The following ROBO2 variants were observed in gnomAD, a reference collection of about 807,000 sequenced individuals.
The protein encoded by ROBO2 is roundabout homolog 2.
ROBO2 carries 53 observed loss-of-function variants against 160.8 expected under a neutral mutation model. The ratio of observed to expected loss-of-function variants is 0.33; its 90% CI spans 0.26 to 0.41. ROBO2 has a LOEUF of 0.41. ROBO2 is among the 10% of genes least tolerant of loss of function. The pLI is 1.00. For synonymous variants in ROBO2, 664 were observed against 611.7 expected, an observed-to-expected ratio of 1.09 and a Z score of -1.26; for missense variants, 1,577 against 1,722.4, an observed-to-expected ratio of 0.92 and a Z score of 1.49.
At chr3:76,094,687 T>C (rs1176773606) in intron 2 of ROBO2, among the ~76,000 whole-genome samples, 1 of 152,202 alleles carries the variant, frequency 6.6e-6, no homozygotes, top group East Asian at 1.9e-4. Flanking sequence ...GGAAGGAGAA[T>C]TCATTCTTCC....
chr3:75,951,323 T>C (rs1025963039), intron 2 of ROBO2, among the ~76,000 whole-genome samples: 1 of 152,098 alleles, frequency 6.6e-6, no homozygotes, highest in African/African-American at 2.4e-5. Flanking sequence ...TGTAAAGAAC[T>C]GGACAGTAAA....
intron 2 of ROBO2, among the ~76,000 whole-genome samples, chr3:76,486,078 T>G (rs896410240): frequency 1.3e-5 from 2 of 152,184 alleles, no homozygotes; most frequent in African/African-American, 4.8e-5. Context: ...ATTATAAGAT[T>G]GTAAAGTAAG....
chr3:77,197,590 T>C (rs2082421052), intron 2 of ROBO2, among the ~76,000 whole-genome samples: 1 of 152,254 alleles, frequency 6.6e-6, no homozygotes, highest in African/African-American at 2.4e-5. Context: ...CTGACCTTTA[T>C]GCTTCTGCCA....
At chr3:77,203,991 G>A (rs763681043) in intron 2 of ROBO2, among the ~76,000 whole-genome samples, 5 of 152,136 alleles carry the variant, frequency 3.3e-5, no homozygotes, top group African/African-American at 4.8e-5. Context: ...TCTCTTTTAG[G>A]ATAAAATACA....
chr3:76,999,909 A>G lies in ROBO2; in HGVS notation c.110-98105A>G, dbSNP rs569846339. Among the ~76,000 whole-genome samples the G allele has an allele frequency of 5.3e-5, 8 of 152,256 alleles. No homozygotes were observed. The East Asian group carries it at 1.2e-3, about 22-fold the overall frequency. On this transcript the variant is annotated intron_variant, in intron 2 of 26. Coordinates refer to the ROBO2 transcript ENST00000487694. ...AAAATTGGTAAAGTTGAAGATATGG[A>G]TAAATTTTCATTGCTTTTGTATCCT...
At chr3:76,173,871 A>G (rs1275921326) in intron 2 of ROBO2, among the ~76,000 whole-genome samples, 2 of 152,204 alleles carry the variant, frequency 1.3e-5, no homozygotes, top group South Asian at 4.1e-4. Flanking sequence ...TCCTTTGCGT[A>G]TATACCCAGT....
chr3:77,071,357 T>G (rs2067392156), intron 1 of ROBO2, among the ~76,000 whole-genome samples: 1 of 152,208 alleles, frequency 6.6e-6, no homozygotes, highest in African/African-American at 2.4e-5. Context: ...TAGCATTAAA[T>G]TAAAATGAAA....
chr3:76,019,420 G>A (rs2066503900), intron 2 of ROBO2, among the ~76,000 whole-genome samples: 1 of 150,870 alleles, frequency 6.6e-6, no homozygotes, highest in Admixed American at 6.6e-5. Flanking sequence ...TCTAATATTT[G>A]CATTATGGCC....
chr3:75,960,437 G>A (rs868563089), intron 2 of ROBO2, among the ~76,000 whole-genome samples: 2 of 151,876 alleles, frequency 1.3e-5, no homozygotes, highest in Middle Eastern at 3.4e-3. Context: ...GGCTGGATGT[G>A]CTGGAAGCTT....
chr3:77,563,748 C>A (rs918835141), intron 11 of ROBO2, among the ~76,000 whole-genome samples: 10 of 152,034 alleles, frequency 6.6e-5, no homozygotes, highest in Non-Finnish European at 1.2e-4. Flanking sequence ...TAGAGCAGAA[C>A]TTAAAATAAT....
chr3:76,396,686 AAC>A lies in ROBO2; in HGVS notation c.109+459086_109+459087del, dbSNP rs1454659030. On this transcript the variant is annotated intron_variant, in intron 2 of 26. Transcript: ENST00000487694. Reference sequence around the variant, plus strand: ...CATTCTTATGCACCAATAACAGACAAACAGAGAGCCAAATCAAGAGTGAACTC... The same window carrying A: ...CATTCTTATGCACCAATAACAGACAAAGAGAGCCAAATCAAGAGTGAACTC... Among the ~76,000 whole-genome samples the A allele has an allele frequency of 8.5e-5, 13 of 152,294 alleles. No homozygotes were observed. The South Asian group carries it at 1.5e-3, about 17-fold the overall frequency.
intron 2 of ROBO2, among the ~76,000 whole-genome samples, chr3:76,991,821 G>A (rs1231513852): frequency 2.0e-5 from 3 of 152,116 alleles, no homozygotes; most frequent in South Asian, 2.1e-4. Flanking sequence ...GTGTGGCAGA[G>A]TTCAAAAACC....
At chr3:77,584,773 TG>T (rs2094000600) in intron 16 of ROBO2, among the ~76,000 whole-genome samples, 1 of 151,824 alleles carries the variant, frequency 6.6e-6, no homozygotes, top group Non-Finnish European at 1.5e-5. Flanking sequence ...TAAAATAAAT[TG>T]GAATAAGAAA....
chr3:76,379,359 A>T lies in ROBO2; in HGVS notation c.109+441757A>T, dbSNP rs374957357. On this transcript the variant is annotated intron_variant, in intron 2 of 26. Transcript: ENST00000487694. ...TTTATTTTTTCAATAAAAAATATTT[A>T]AAAATATTTTTAACATAAAAAATAG... is the stretch of plus-strand genomic sequence containing the variant. 7.9e-5 allele frequency among the ~76,000 whole-genome samples: 12 copies of T among 152,274 alleles called. 1 individual carries two copies. The highest frequency in any genetic ancestry group is 2.4e-4 in the African/African-American group (10 of 41,570).
At chr3:77,332,407 G>A (rs762913052) in intron 2 of ROBO2, among the ~76,000 whole-genome samples, 1 of 152,110 alleles carries the variant, frequency 6.6e-6, no homozygotes, top group Non-Finnish European at 1.5e-5. Flanking sequence ...ACATTTTACA[G>A]AGGTAGTATT....
intron 23 of ROBO2, among the ~76,000 whole-genome samples, chr3:77,627,445 A>ATT (rs376194342): frequency 2.1e-5 from 3 of 144,442 alleles, no homozygotes; most frequent in African/African-American, 7.6e-5. Flanking sequence ...ACGCTAAGCT[A>ATT]TTTTTTTTTT....
chr3:76,088,150 A>T (rs2069093151), intron 2 of ROBO2, among the ~76,000 whole-genome samples: 1 of 152,082 alleles, frequency 6.6e-6, no homozygotes, highest in Non-Finnish European at 1.5e-5. Context: ...CATAATGCTA[A>T]AGGGTCAATA....
chr3:76,662,307 G>A (rs867927329), intron 2 of ROBO2, among the ~76,000 whole-genome samples: 5 of 152,120 alleles, frequency 3.3e-5, no homozygotes, highest in African/African-American at 1.2e-4. Context: ...GTTACCATAG[G>A]GCAACTTATT....
chr3:77,176,970 T>A (rs2080222871), intron 2 of ROBO2, among the ~76,000 whole-genome samples: 1 of 151,976 alleles, frequency 6.6e-6, no homozygotes, highest in Non-Finnish European at 1.5e-5. Flanking sequence ...CTTCAAATTT[T>A]TCTTTAAAGA....
Sources: allele counts gnomAD v4.1 joint callset (sites outside exome capture counted in the v4.1 genomes callset), GRCh38; gene constraint gnomAD v4.1.1; transcripts MANE v1.5; gene names NCBI Gene and HGNC (gene_info 2026-07-23, HGNC 2026-07-21).